ARHGEF3: variants seen among roughly 807,000 people sequenced by gnomAD.
ARHGEF3 encodes 59.8 kDA protein.
ARHGEF3 carries 28 observed loss-of-function variants against 63.2 expected under a neutral mutation model. The ratio of observed to expected loss-of-function variants is 0.44; its 90% confidence interval spans 0.33 to 0.61. The LOEUF (loss-of-function observed/expected upper bound fraction) is 0.61, where lower values mean the gene tolerates loss of function less well. ARHGEF3 is among the 20% of genes least tolerant of loss of function. The probability of loss-of-function intolerance (pLI) is 0.03; values close to 1 mark genes in which losing one functional copy is unlikely to be tolerated. For missense variants in ARHGEF3, 533 were observed against 659.3 expected (o/e 0.81, Z 2.10); for synonymous variants, 266 against 254.2 (o/e 1.05, Z -0.44).
chr3:57,031,368 C>T (rs1397175505), intron 2 of ARHGEF3, among the ~76,000 whole-genome samples: 4 of 152,118 alleles, frequency 2.6e-5, no homozygotes, highest in East Asian at 1.9e-4. Flanking sequence ...ACTCTATATG[C>T]GACTAAAAAT....
At chr3:56,804,822 G>A (rs940721185), upstream of ARHGEF3, among the ~76,000 whole-genome samples, 1 of 152,192 alleles carries the variant, frequency 6.6e-6, no homozygotes, top group African/African-American at 2.4e-5. Flanking sequence ...CTTGGTGGGG[G>A]TGTGAGAGTA....
At chr3:56,995,183 A>G (rs2106976168) in intron 2 of ARHGEF3, among the ~76,000 whole-genome samples, 1 of 152,140 alleles carries the variant, frequency 6.6e-6, no homozygotes, top group Middle Eastern at 3.4e-3. Context: ...CAGAGCACCA[A>G]TTTTCAACTC....
intron 3 of ARHGEF3, among the ~76,000 whole-genome samples, chr3:56,910,194 T>TG: frequency 6.6e-6 from 1 of 152,336 alleles, no homozygotes; most frequent in South Asian, 2.1e-4. Flanking sequence ...ACTTTTAAGA[T>TG]GGAGTTTCAG....
intron 2 of ARHGEF3, among the ~76,000 whole-genome samples, chr3:57,029,643 G>A (rs1703646808): frequency 6.6e-6 from 1 of 152,134 alleles, no homozygotes; most frequent in African/African-American, 2.4e-5. Flanking sequence ...CTGAGGTTAA[G>A]CCAGCACTGG....
chr3:56,920,904 A>C (rs1468785438), intron 3 of ARHGEF3, among the ~76,000 whole-genome samples: 4 of 151,920 alleles, frequency 2.6e-5, no homozygotes, highest in African/African-American at 9.7e-5. Flanking sequence ...TACAAAAAAA[A>C]ATTAGCCAGG....
At chr3:56,924,671 G>A (rs773653581) in intron 3 of ARHGEF3, among the ~76,000 whole-genome samples, 3 of 152,306 alleles carry the variant, frequency 2.0e-5, no homozygotes, top group Non-Finnish European at 2.9e-5. Context: ...TCATGGCACT[G>A]GTGGGAGTGT....
chr3:56,923,279 C>A (rs1220744973), intron 3 of ARHGEF3, among the ~76,000 whole-genome samples: 1 of 134,750 alleles, frequency 7.4e-6, no homozygotes, highest in African/African-American at 2.5e-5. Flanking sequence ...ACTATTGTTT[C>A]TATTTTTGTA....
At chr3:56,825,282 C>G (rs954081560) in intron 4 of ARHGEF3, among the ~76,000 whole-genome samples, 1 of 152,248 alleles carries the variant, frequency 6.6e-6, no homozygotes, top group Non-Finnish European at 1.5e-5. Flanking sequence ...ACAGAGACCC[C>G]TGCACTCCAC....
chr3:56,905,642 C>T (rs187612202), intron 3 of ARHGEF3, among the ~76,000 whole-genome samples: 33 of 152,298 alleles, frequency 2.2e-4, no homozygotes, highest in Non-Finnish European at 3.7e-4. Flanking sequence ...TAAACATTGC[C>T]AATTGGCCTC....
intron 2 of ARHGEF3, among the ~76,000 whole-genome samples, chr3:57,000,548 G>A (rs1702155229): frequency 1.3e-5 from 2 of 151,664 alleles, no homozygotes; most frequent in African/African-American, 4.9e-5. Flanking sequence ...GTGTGCATGT[G>A]TGTGAGACGG....
intron 3 of ARHGEF3, 32 bp downstream of exon 3, chr3:56,754,949 C>T: frequency 6.2e-7 from 1 of 1,613,746 alleles, no homozygotes; most frequent in South Asian, 1.1e-5. Flanking sequence ...TTGTTCCAGA[C>T]ACACAGCCAG....
intron 2 of ARHGEF3, among the ~76,000 whole-genome samples, chr3:57,017,539 C>A (rs1703071529): frequency 6.6e-6 from 1 of 152,204 alleles, no homozygotes; most frequent in Non-Finnish European, 1.5e-5. Context: ...TTCTCACATC[C>A]TTTCAGTTGC....
intron 3 of ARHGEF3, among the ~76,000 whole-genome samples, chr3:56,930,810 C>T (rs2042391319): frequency 1.3e-5 from 2 of 152,038 alleles, no homozygotes; most frequent in Admixed American, 6.6e-5. Flanking sequence ...TGTTCAATAC[C>T]ACGCTCCATG....
At chr3:56,873,679 G>A (rs1453582344) in intron 4 of ARHGEF3, among the ~76,000 whole-genome samples, 1 of 152,040 alleles carries the variant, frequency 6.6e-6, no homozygotes, top group Non-Finnish European at 1.5e-5. Flanking sequence ...CAAAGTTTTG[G>A]GATTACAGGT....
At chr3:56,769,083 T>C (rs751678399) in intron 2 of ARHGEF3, among the ~76,000 whole-genome samples, 2 of 152,232 alleles carry the variant, frequency 1.3e-5, no homozygotes, top group Non-Finnish European at 2.9e-5. Context: ...TCTTTCTCCT[T>C]TTCTGCATTT....
chr3:56,751,307 T>C lies in ARHGEF3; in HGVS notation c.528A>G (p.Leu176=). The part of the protein sequence containing the change: ...IFGTLDSLIP[L]HEELLSQLRD... ...CTGGGAACAAAATTATACCTTCATGTAGAGGAATTAGAGAGTCCAGTGTTC... is the reference window on the plus strand; with the variant it reads ...CTGGGAACAAAATTATACCTTCATGCAGAGGAATTAGAGAGTCCAGTGTTC... Residue 176 remains leucine (L), a synonymous_variant, in exon 5 of 10, where the codon CTA becomes CTG. Coordinates refer to ENST00000296315, the MANE Select transcript of ARHGEF3 (RefSeq NM_019555.3). The C allele has an allele frequency of 1.2e-6, 2 of 1,611,404 alleles. No individual in the cohort carries two copies. The highest frequency in any genetic ancestry group is 1.7e-6 in the Non-Finnish European group (2 of 1,177,502).
At chr3:56,988,443 GGCC>G (rs1701625115) in intron 2 of ARHGEF3, among the ~76,000 whole-genome samples, 1 of 152,062 alleles carries the variant, frequency 6.6e-6, no homozygotes, top group Non-Finnish European at 1.5e-5. Flanking sequence ...CACCCCACCT[GGCC>G]TAAGAGAGTT....
At chr3:56,788,567 T>G (rs182656504) in intron 1 of ARHGEF3, among the ~76,000 whole-genome samples, 21 of 152,296 alleles carry the variant, frequency 1.4e-4, no homozygotes, top group South Asian at 2.1e-4. Flanking sequence ...GATCTATTTA[T>G]AGTTAAAGCA....
rs977432586 is a variant in ARHGEF3 at position 56,992,040 on chromosome 3, G to C, written c.63-33151C>G. On this transcript the variant is annotated intron_variant, in intron 2 of 12. Coordinates refer to the ARHGEF3 transcript ENST00000338458. ...CTCCTCTCTCTGTGTGTGTGTGTGT[G>C]TGTGTGTGTGTGTGTGTGTGTGTGT... Among the ~76,000 whole-genome samples, 255 of 147,776 alleles carry C rather than the reference G, an allele frequency of 1.7e-3. 4 individuals carry two copies. Among genetic ancestry groups the C allele is most frequent in the African/African-American group, 4.4e-3 (167 of 38,162 alleles).
Sources: allele counts gnomAD v4.1 joint callset (sites outside exome capture counted in the v4.1 genomes callset), GRCh38; gene constraint gnomAD v4.1.1; transcripts MANE v1.5; gene names NCBI Gene and HGNC (gene_info 2026-07-23, HGNC 2026-07-21).